The following NDUFS4 variants were observed in gnomAD, a reference collection of about 807,000 sequenced individuals.
The protein encoded by NDUFS4 is NADH:ubiquinone oxidoreductase subunit S4, also known as NADH dehydrogenase [ubiquinone] iron-sulfur protein 4, mitochondrial.
NDUFS4 carries 28 observed loss-of-function variants against 24.3 expected under a neutral mutation model. The ratio of observed to expected loss-of-function variants is 1.15; its 90% CI spans 0.85 to 1.58. NDUFS4 has a LOEUF of 1.58. NDUFS4 is among the 40% of genes most tolerant of loss of function. NDUFS4 has a pLI of 0.00. For synonymous variants in NDUFS4, 93 were observed against 69.7 expected (o/e 1.34, Z -1.67); for missense variants, 223 against 207.9 (o/e 1.07, Z -0.45).
At chr5:53,677,801 G>T (rs1018284757) in intron 4 of NDUFS4, among the ~76,000 whole-genome samples, 1 of 152,080 alleles carries the variant, frequency 6.6e-6, no homozygotes, top group Non-Finnish European at 1.5e-5. Flanking sequence ...CAAATTATGT[G>T]GTAGTTCTTG....
intron 4 of NDUFS4, among the ~76,000 whole-genome samples, chr5:53,659,774 G>A (rs1332779432): frequency 1.3e-5 from 2 of 152,096 alleles, no homozygotes; most frequent in African/African-American, 4.8e-5. Context: ...TAACATATTT[G>A]CTTTTCTTTT....
chr5:53,668,620 T>TC (rs1752584231), intron 4 of NDUFS4, among the ~76,000 whole-genome samples: 1 of 149,136 alleles, frequency 6.7e-6, no homozygotes, highest in African/African-American at 2.5e-5. Flanking sequence ...CAGCTAATTT[T>TC]TTTTTTTTTT....
intron 1 of NDUFS4, among the ~76,000 whole-genome samples, chr5:53,593,927 T>A (rs1007957258): frequency 6.6e-6 from 1 of 152,150 alleles, no homozygotes; most frequent in Admixed American, 6.5e-5. Flanking sequence ...TTTCTATTCT[T>A]TTAAATTAGT....
At chr5:53,592,102 C>T (rs748218216) in intron 1 of NDUFS4, among the ~76,000 whole-genome samples, 1 of 151,888 alleles carries the variant, frequency 6.6e-6, no homozygotes, top group East Asian at 1.9e-4. Context: ...CCATGCCTGG[C>T]GAATTTTTTG....
intron 4 of NDUFS4, among the ~76,000 whole-genome samples, chr5:53,668,712 T>G (rs906376493): frequency 6.6e-6 from 1 of 151,774 alleles, no homozygotes; most frequent in African/African-American, 2.4e-5. Context: ...CCACCTGCCT[T>G]GGCCTCCCAA....
At chr5:53,626,077 C>T (rs780261614) in intron 2 of NDUFS4, among the ~76,000 whole-genome samples, 14 of 152,104 alleles carry the variant, frequency 9.2e-5, no homozygotes, top group South Asian at 6.2e-4. Context: ...TGATGTTCCC[C>T]GCCCTGTGTC....
At chr5:53,563,503 ATT>A (rs199700887) in intron 1 of NDUFS4, among the ~76,000 whole-genome samples, 25 of 142,618 alleles carry the variant, frequency 1.8e-4, no homozygotes, top group Non-Finnish European at 1.7e-4. Context: ...AATTGTCTAC[ATT>A]TTTTTTTTTT....
chr5:53,585,217 A>G (rs375712903), intron 1 of NDUFS4, among the ~76,000 whole-genome samples: 4 of 152,178 alleles, frequency 2.6e-5, no homozygotes, highest in Admixed American at 6.5e-5. Flanking sequence ...TAATTCTGAT[A>G]GTACTTATTA....
At chr5:53,631,396 T>C (rs1225928646) in intron 2 of NDUFS4, among the ~76,000 whole-genome samples, 2 of 152,150 alleles carry the variant, frequency 1.3e-5, no homozygotes, top group South Asian at 2.1e-4. Context: ...CTGTACATTA[T>C]CAGAGCTTGA....
chr5:53,589,797 A>G (rs964085469), intron 1 of NDUFS4, among the ~76,000 whole-genome samples: 4 of 152,176 alleles, frequency 2.6e-5, no homozygotes, highest in African/African-American at 9.6e-5. Flanking sequence ...GCTGAAAAAC[A>G]TGGAAAGACT....
intron 4 of NDUFS4, among the ~76,000 whole-genome samples, chr5:53,661,511 A>G (rs1752342510): frequency 6.6e-6 from 1 of 152,052 alleles, no homozygotes; most frequent in Non-Finnish European, 1.5e-5. Context: ...TATGAAGTTT[A>G]AAGTAGTTTT....
intron 4 of NDUFS4, among the ~76,000 whole-genome samples, chr5:53,664,706 A>G (rs1752458607): frequency 1.3e-5 from 2 of 151,752 alleles, no homozygotes; most frequent in Admixed American, 1.3e-4. Context: ...ACTTCTCTGC[A>G]TTGGTTATTC....
intron 2 of NDUFS4, among the ~76,000 whole-genome samples, chr5:53,607,851 G>C (rs1750575789): frequency 1.3e-5 from 2 of 152,180 alleles, no homozygotes; most frequent in Non-Finnish European, 2.9e-5. Context: ...CATTAAGCTA[G>C]ATAGTAGATT....
chr5:53,672,497 A>G (rs1486771220), intron 4 of NDUFS4, among the ~76,000 whole-genome samples: 1 of 152,148 alleles, frequency 6.6e-6, no homozygotes, highest in African/African-American at 2.4e-5. Flanking sequence ...TGTACAACCT[A>G]AAAAGAGTTG....
intron 2 of NDUFS4, among the ~76,000 whole-genome samples, chr5:53,619,486 C>CAAAAAA (rs70983366): frequency 2.0e-5 from 1 of 49,066 alleles, no homozygotes; most frequent in African/African-American, 8.6e-5. Flanking sequence ...GACTCTGTCT[C>CAAAAAA]AAAAAAAAAA....
At chr5:53,634,119 C>G (rs72753649) in intron 2 of NDUFS4, among the ~76,000 whole-genome samples, 16 of 152,272 alleles carry the variant, frequency 1.1e-4, no homozygotes, top group Non-Finnish European at 2.2e-4. Flanking sequence ...GAGCTAGGAC[C>G]AGTTCTTAAC....
chr5:53,681,750 T>A (rs4147744), intron 4 of NDUFS4, among the ~76,000 whole-genome samples: 24,396 of 152,102 alleles, frequency 0.16, 1,960 homozygotes, highest in Middle Eastern at 0.18. Context: ...GAGATGGAGT[T>A]CCAGCAGTTG....
At chr5:53,638,374 A>G (rs1280839747) in intron 2 of NDUFS4, among the ~76,000 whole-genome samples, 1 of 152,182 alleles carries the variant, frequency 6.6e-6, no homozygotes, top group South Asian at 2.1e-4. Context: ...AAAAAATGTC[A>G]AAAGGTTTAA....
chr5:53,579,200 G>T (rs1014061327), intron 1 of NDUFS4, among the ~76,000 whole-genome samples: 6 of 151,996 alleles, frequency 3.9e-5, no homozygotes, highest in Non-Finnish European at 8.8e-5. Flanking sequence ...ATTATCTTTT[G>T]CCCATTCATT....
Sources: gnomAD v4.1 joint callset for allele counts (sites outside exome capture counted in the v4.1 genomes callset) on GRCh38, gnomAD v4.1.1 for gene constraint, MANE v1.5 for transcripts, NCBI Gene and HGNC (gene_info 2026-07-23, HGNC 2026-07-21) for gene names.